The following WNT5B variants were observed in gnomAD, a reference collection of about 807,000 sequenced individuals.
WNT5B encodes the protein Wnt family member 5B.
In WNT5B, 18 loss-of-function variants were observed where a neutral mutation model predicts 36.5. The observed-to-expected ratio is 0.49, with a 90% CI of 0.34 to 0.73. The LOEUF (loss-of-function observed/expected upper bound fraction) is 0.73, where lower values mean the gene tolerates loss of function less well. Ranked by LOEUF, WNT5B falls within the 30% of genes least tolerant of loss-of-function variation. The pLI, the probability that WNT5B is intolerant of heterozygous loss-of-function variation, is 0.01. For synonymous variants in WNT5B, 213 were observed against 212.3 expected, an observed-to-expected ratio of 1.00 and a Z score of -0.03; for missense variants, 424 against 508.4, an observed-to-expected ratio of 0.83 and a Z score of 1.60.
At chr12:1,625,962 C>T (rs2094540312), upstream of WNT5B, among the ~76,000 whole-genome samples, 1 of 150,110 alleles carries the variant, frequency 6.7e-6, no homozygotes, top group Non-Finnish European at 1.5e-5. Flanking sequence ...CGCACCCTGC[C>T]TGTTTTTTTT....
chr12:1,620,841 C>T (rs377508590), intron 1 of WNT5B, among the ~76,000 whole-genome samples: 1 of 151,200 alleles, frequency 6.6e-6, no homozygotes, highest in Non-Finnish European at 1.5e-5. Flanking sequence ...GTAGCTGGGA[C>T]TACAGGCATG....
At chr12:1,618,000 G>C (rs1451312982) in intron 1 of WNT5B, among the ~76,000 whole-genome samples, 2 of 152,142 alleles carry the variant, frequency 1.3e-5, no homozygotes, top group East Asian at 3.9e-4. Context: ...AACTTAACCA[G>C]ACACAGTGGC....
intron 1 of WNT5B, chr12:1,629,960 C>G (rs2094547177): frequency 5.4e-6 from 1 of 186,000 alleles, no homozygotes; most frequent in South Asian, 1.8e-4. Flanking sequence ...TTGATCTGCC[C>G]CCTGCCGGCC....
rs986935305 is a variant in WNT5B at position 1,639,763 on chromosome 12, C to T, written c.408C>T (p.Gly136=). 7 of 1,607,698 alleles carry T rather than the reference C, an allele frequency of 4.4e-6. No homozygotes were observed. In the African/African-American group the frequency reaches 6.7e-5, roughly 15 times the overall value. ...VNAISRACRE[G]ELSTCGCSRT... ...CCATCAGCCGGGCCTGCCGCGAGGG[C>T]GAGCTCTCCACCTGCGGCTGCAGCC... Residue 136 remains glycine, a synonymous_variant, in exon 4 of 5, where the codon GGC becomes GGT. Transcript: ENST00000397196.
chr12:1,634,966 T>C (rs191200600), intron 3 of WNT5B, among the ~76,000 whole-genome samples: 5 of 152,344 alleles, frequency 3.3e-5, no homozygotes, highest in South Asian at 2.1e-4. Flanking sequence ...CCGTTTATTC[T>C]TGAGATGGTT....
chr12:1,629,634 G>C (rs1255564037), intron 1 of WNT5B, among the ~76,000 whole-genome samples: 1 of 152,034 alleles, frequency 6.6e-6, no homozygotes. Flanking sequence ...AGGATATTTG[G>C]ACAAGGAAAC....
At chr12:1,629,629 A>G (rs1361116134) in intron 1 of WNT5B, among the ~76,000 whole-genome samples, 1 of 152,036 alleles carries the variant, frequency 6.6e-6, no homozygotes, top group Non-Finnish European at 1.5e-5. Context: ...AGTTAAGGAT[A>G]TTTGGACAAG....
intron 4 of WNT5B, among the ~76,000 whole-genome samples, chr12:1,643,901 T>A (rs1019702453): frequency 2.0e-5 from 3 of 151,970 alleles, no homozygotes; most frequent in Non-Finnish European, 2.9e-5. Context: ...CAGGGAAGGA[T>A]GGAGGGGGTG....
At chr12:1,640,033 G>C in intron 4 of WNT5B, 57 bp downstream of exon 4, 1 of 1,545,204 alleles carries the variant, frequency 6.5e-7, no homozygotes, top group South Asian at 1.2e-5. Flanking sequence ...CTGTTCCCGG[G>C]CTGTGCCACC....
At chr12:1,641,491 A>G (rs2094575230) in intron 4 of WNT5B, among the ~76,000 whole-genome samples, 1 of 152,116 alleles carries the variant, frequency 6.6e-6, no homozygotes, top group Non-Finnish European at 1.5e-5. Context: ...GTCTTTACAT[A>G]GCAAAATCTT....
intron 1 of WNT5B, among the ~76,000 whole-genome samples, chr12:1,621,336 C>T (rs1323000721): frequency 6.6e-6 from 1 of 152,064 alleles, no homozygotes; most frequent in Non-Finnish European, 1.5e-5. Flanking sequence ...TGTAATCAAT[C>T]AGCATTTTAA....
Position 1,630,293 on chromosome 12 carries a change from G to A in WNT5B, c.-58+922G>A. The A allele has an allele frequency of 1.1e-6, 1 of 948,618 alleles. No individual in the cohort carries two copies. The allele number at this position is 948,618 out of a possible 1,614,324, so 58.8% of individuals were successfully genotyped here. A position where few individuals can be genotyped will look rare whatever the true frequency, so the allele number is the denominator to read the frequency against. Reference sequence around the variant, plus strand: ...CCAGACGGGGGCCCCGGAGGACCGCGGGGGAGCCGCAGGGGCCGTGTGTCC... The same window carrying A: ...CCAGACGGGGGCCCCGGAGGACCGCAGGGGAGCCGCAGGGGCCGTGTGTCC... On this transcript the variant is annotated intron_variant, in intron 1 of 4. Coordinates refer to ENST00000397196, the MANE Select transcript of WNT5B (RefSeq NM_032642.3). This position sits in a 1 kb window ranked among gnomAD's most constrained non-coding sequence, Gnocchi z 5.3.
chr12:1,621,360 C>A (rs982909210), intron 1 of WNT5B, among the ~76,000 whole-genome samples: 3 of 152,124 alleles, frequency 2.0e-5, no homozygotes, highest in Middle Eastern at 3.4e-3. Context: ...CTATATTTGG[C>A]TCTCTAGGAA....
intron 1 of WNT5B, among the ~76,000 whole-genome samples, chr12:1,620,227 A>C: frequency 6.6e-6 from 1 of 152,174 alleles, no homozygotes; most frequent in East Asian, 1.9e-4. Flanking sequence ...CTCCCTTGGA[A>C]ACCACTCCCT....
upstream of WNT5B, among the ~76,000 whole-genome samples, chr12:1,625,329 C>T (rs2094539571): frequency 1.3e-5 from 2 of 152,176 alleles, no homozygotes; most frequent in South Asian, 2.1e-4. Context: ...GGTGAGTACT[C>T]ACCTGGAAAT....
At chr12:1,626,586 A>AC (rs1222462068), upstream of WNT5B, among the ~76,000 whole-genome samples, 3 of 123,742 alleles carry the variant, frequency 2.4e-5, no homozygotes, top group Non-Finnish European at 5.0e-5. Flanking sequence ...TTTTTTTCAG[A>AC]CGGAGTCTCA....
Position 1,646,315 on chromosome 12 carries a change from C to T in WNT5B, c.*63C>T. 6.5e-6 allele frequency: 8 copies of T among 1,239,272 alleles called. No individual in the cohort carries two copies. The highest frequency in any genetic ancestry group is 6.4e-6 in the Non-Finnish European group (6 of 944,524). 76.8% of individuals were successfully genotyped at this position (1,239,272 alleles called of 1,614,324 possible). ...TCACAAAGGTCTATATTATATAAAT[C>T]TATATAAATCTATTTTATATTTGTA... On this transcript the variant is annotated 3_prime_UTR_variant, in exon 5 of 5. Coordinates refer to ENST00000397196, the MANE Select transcript of WNT5B (RefSeq NM_032642.3).
rs940504197 is a variant in WNT5B at position 1,632,105 on chromosome 12, G to A, written c.81-553G>A. On this transcript the variant is annotated intron_variant, in intron 2 of 4. Transcript: ENST00000397196. This position sits in a 1 kb window ranked among gnomAD's most constrained non-coding sequence, Gnocchi z 5.8. ...GCAGTGAAAACAAGTAGACTAGATC[G>A]TGATGTATGTAAAGTGATTGGATTT... Among the ~76,000 whole-genome samples, 14 of 152,182 alleles carry A rather than the reference G, an allele frequency of 9.2e-5. No homozygotes were observed. Among genetic ancestry groups the A allele is most frequent in the African/African-American group, 2.7e-4 (11 of 41,446 alleles).
chr12:1,646,321 A>G lies in WNT5B; in HGVS notation c.*69A>G, dbSNP rs576777945. On this transcript the variant is annotated 3_prime_UTR_variant, in exon 5 of 5. Coordinates refer to ENST00000397196, the MANE Select transcript of WNT5B (RefSeq NM_032642.3). ...AGGTCTATATTATATAAATCTATAT[A>G]AATCTATTTTATATTTGTATAAGTA... The G allele has an allele frequency of 2.5e-5, 32 of 1,255,926 alleles. No individual in the cohort carries two copies. The African/African-American group carries it at 4.2e-4, about 17-fold the overall frequency. The allele number at this position is 1,255,926 out of a possible 1,614,324, so 77.8% of individuals were successfully genotyped here.
Sources: gnomAD v4.1 joint callset for allele counts (sites outside exome capture counted in the v4.1 genomes callset) on GRCh38, gnomAD v4.1.1 for gene constraint, Gnocchi (gnomAD v3.1) non-coding constraint, MANE v1.5 for transcripts, NCBI Gene and HGNC (gene_info 2026-07-23, HGNC 2026-07-21) for gene names.